The following SELENOF variants were observed in gnomAD, a reference collection of about 807,000 sequenced individuals.
The protein encoded by SELENOF is 15 kDa selenoprotein.
A neutral mutation model predicts 20.5 loss-of-function variants in SELENOF; 16 were observed. That is an observed-to-expected ratio of 0.78 (90% CI 0.53 to 1.19). The LOEUF is 1.19. Among genes scored for constraint, SELENOF ranks in the 50% most tolerant of loss-of-function variants. SELENOF has a pLI of 0.00. For synonymous variants in SELENOF, 78 were observed against 74.5 expected (o/e 1.05, Z -0.24); for missense variants, 215 against 194.2 (o/e 1.11, Z -0.64).
chr1:86,899,374 G>A (rs1169259669), intron 2 of SELENOF, among the ~76,000 whole-genome samples: 1 of 132,174 alleles, frequency 7.6e-6, no homozygotes, highest in Admixed American at 7.0e-5. Context: ...GGGCAGAGGC[G>A]CCCCTCACCT....
intron 2 of SELENOF, among the ~76,000 whole-genome samples, chr1:86,885,666 A>C (rs929160747): frequency 6.6e-6 from 1 of 152,182 alleles, no homozygotes; most frequent in East Asian, 1.9e-4. Flanking sequence ...AACCTTGATA[A>C]ACTAATTATT....
intron 3 of SELENOF, among the ~76,000 whole-genome samples, chr1:86,872,149 TTTAG>T (rs1202037105): frequency 6.6e-6 from 1 of 152,050 alleles, no homozygotes; most frequent in Non-Finnish European, 1.5e-5. Flanking sequence ...TATTCAAAAG[TTTAG>T]TGAGTATTAA....
intron 2 of SELENOF, among the ~76,000 whole-genome samples, chr1:86,900,394 C>T (rs1218724914): frequency 2.6e-5 from 4 of 151,982 alleles, no homozygotes; most frequent in Non-Finnish European, 2.9e-5. Context: ...GAGACCAGCC[C>T]GGCCAACACA....
At chr1:86,882,778 G>C (rs1372916455) in intron 2 of SELENOF, among the ~76,000 whole-genome samples, 3 of 152,128 alleles carry the variant, frequency 2.0e-5, no homozygotes, top group Non-Finnish European at 4.4e-5. Flanking sequence ...CAGATGAATG[G>C]AAAAACAAAA....
intron 2 of SELENOF, among the ~76,000 whole-genome samples, chr1:86,896,628 A>G (rs1223742747): frequency 6.6e-6 from 1 of 152,226 alleles, no homozygotes; most frequent in African/African-American, 2.4e-5. Context: ...GGAATCACTA[A>G]AAAGTTGTGC....
At chr1:86,873,979 T>C (rs1013579658) in intron 3 of SELENOF, among the ~76,000 whole-genome samples, 1 of 152,126 alleles carries the variant, frequency 6.6e-6, no homozygotes, top group East Asian at 1.9e-4. Context: ...AGCGTTTCTC[T>C]CAATTTTCTT....
At chr1:86,867,846 T>C (rs1658649953) in intron 4 of SELENOF, among the ~76,000 whole-genome samples, 2 of 152,054 alleles carry the variant, frequency 1.3e-5, no homozygotes, top group Non-Finnish European at 2.9e-5. Context: ...TTCCTTTGCA[T>C]TCAAATTTTC....
At chr1:86,874,297 C>T (rs1441578119) in intron 3 of SELENOF, among the ~76,000 whole-genome samples, 1 of 152,082 alleles carries the variant, frequency 6.6e-6, no homozygotes, top group Non-Finnish European at 1.5e-5. Flanking sequence ...AAAGAAAATC[C>T]AATCACTCTA....
At chr1:86,900,861 A>C (rs190106054) in intron 2 of SELENOF, among the ~76,000 whole-genome samples, 3 of 152,234 alleles carry the variant, frequency 2.0e-5, no homozygotes. Flanking sequence ...ATTTATGCTC[A>C]CGATGATTCC....
chr1:86,872,924 C>T (rs536431267), intron 3 of SELENOF, among the ~76,000 whole-genome samples: 10 of 152,130 alleles, frequency 6.6e-5, no homozygotes, highest in African/African-American at 2.4e-5. Context: ...GCCTGTAGCG[C>T]GGCTACTCCG....
intron 1 of SELENOF, among the ~76,000 whole-genome samples, chr1:86,911,498 G>A (rs1473219343): frequency 6.6e-6 from 1 of 152,220 alleles, no homozygotes; most frequent in Non-Finnish European, 1.5e-5. Flanking sequence ...GAACATTGAG[G>A]AAGACAGACT....
At chr1:86,890,949 C>A (rs1197774873) in intron 2 of SELENOF, among the ~76,000 whole-genome samples, 2 of 151,880 alleles carry the variant, frequency 1.3e-5, no homozygotes, top group Admixed American at 6.6e-5. Context: ...TAATTTAATT[C>A]TTTTAGTGGT....
intron 4 of SELENOF, among the ~76,000 whole-genome samples, chr1:86,865,913 G>A (rs1658576572): frequency 6.6e-6 from 1 of 152,132 alleles, no homozygotes. Context: ...GAAAATGGGA[G>A]CTGGGCACAG....
In SELENOF at chr1:86,903,332, A is replaced by C. The variant is rs1192009142; in HGVS notation, c.201T>G (p.Asp67Glu). ...LLGQFNLLQL[D>E]PDCRGCCQEE... ...CCTGACAGCATCCTCTGCAATCAGG[A>C]TCCAGCTGAAGCAGGTTGAACTGTC... Residue 67 changes from aspartate to glutamate, a missense_variant, in exon 2 of 5, where the codon GAT becomes GAG. Asp to Glu is a conservative substitution (Grantham distance 45). Transcript: ENST00000331835. The C allele has an allele frequency of 6.2e-7, 1 of 1,612,320 alleles. No individual in the cohort carries two copies. The highest frequency in any genetic ancestry group is 1.1e-5 in the South Asian group (1 of 90,620).
rs1184149529 is a variant in SELENOF, at chr1:86,899,547, C to A, written c.252+3734G>T. Among the ~76,000 whole-genome samples, 9 of 147,264 alleles carry A rather than the reference C, an allele frequency of 6.1e-5. No homozygotes were observed. The East Asian group carries it at 8.2e-4, about 13-fold the overall frequency. On this transcript the variant is annotated intron_variant, in intron 2 of 4. Coordinates refer to ENST00000331835, the MANE Select transcript of SELENOF (RefSeq NM_004261.5). ...GGCGGCTGGCCGGGCGGGGGGCTGA[C>A]CCCCCACCTCCCTCCCGGACGGGGC...
At chr1:86,880,460 T>C (rs924675138) in intron 3 of SELENOF, among the ~76,000 whole-genome samples, 1 of 152,164 alleles carries the variant, frequency 6.6e-6, no homozygotes, top group African/African-American at 2.4e-5. Context: ...ATTTCATATA[T>C]TGTGTTTTTT....
intron 1 of SELENOF, among the ~76,000 whole-genome samples, chr1:86,910,226 G>A (rs998246014): frequency 6.6e-6 from 1 of 152,224 alleles, no homozygotes; most frequent in African/African-American, 2.4e-5. Context: ...TACGTCATGA[G>A]TATGAATTCA....
chr1:86,907,340 G>T (rs1275778189), intron 1 of SELENOF, among the ~76,000 whole-genome samples: 1 of 152,164 alleles, frequency 6.6e-6, no homozygotes, highest in Non-Finnish European at 1.5e-5. Flanking sequence ...CTAGACATGG[G>T]ATAAAAGATA....
intron 2 of SELENOF, among the ~76,000 whole-genome samples, chr1:86,896,089 G>A (rs1659515348): frequency 2.0e-5 from 3 of 152,082 alleles, no homozygotes; most frequent in Admixed American, 6.5e-5. Flanking sequence ...CTAGCCGGGT[G>A]TGTTGGCAGG....
Sources: gnomAD v4.1 joint callset for allele counts (sites outside exome capture counted in the v4.1 genomes callset) on GRCh38, gnomAD v4.1.1 for gene constraint, MANE v1.5 for transcripts, NCBI Gene and HGNC (gene_info 2026-07-23, HGNC 2026-07-21) for gene names.